Variants in CFAP57 observed in about 807,000 individuals in gnomAD.
CFAP57 encodes the protein cilia and flagella associated protein 57, also known as cilia- and flagella-associated protein 57.
Under a neutral mutation model 146.8 loss-of-function variants are expected in CFAP57, and 116 were observed. That is an observed-to-expected ratio of 0.79 (90% CI 0.68 to 0.92). The LOEUF (loss-of-function observed/expected upper bound fraction) is 0.92, where lower values mean the gene tolerates loss of function less well. Among genes scored for constraint, CFAP57 ranks in the 40% least tolerant of loss-of-function variants. The probability of loss-of-function intolerance (pLI) is 0.00; values close to 1 mark genes in which losing one functional copy is unlikely to be tolerated. For missense variants in CFAP57, 1,377 were observed against 1,527.2 expected (o/e 0.90, Z 1.64); for synonymous variants, 518 against 552.8 (o/e 0.94, Z 0.88).
rs1357419462 is a variant in CFAP57 at position 43,201,432 on chromosome 1, C to T, written c.1542+1929C>T. On this transcript the variant is annotated intron_variant, in intron 9 of 22. Coordinates refer to ENST00000372492, the MANE Select transcript of CFAP57 (RefSeq NM_001378189.1). The surrounding 1 kb of genome is among the most constrained non-coding windows in gnomAD (Gnocchi z 4.4). ...CCGTTGACTTTAGCAAATAACAGAT[C>T]ATTGGAAGGAAAAGTAAAAATGTGT... Among the ~76,000 whole-genome samples the T allele has an allele frequency of 6.6e-6, 1 of 152,150 alleles. No individual in the cohort carries two copies. The highest frequency in any genetic ancestry group is 2.1e-4 in the South Asian group (1 of 4,828).
At chr1:43,208,114 C>G (rs527801851) in intron 10 of CFAP57, among the ~76,000 whole-genome samples, 1 of 152,310 alleles carries the variant, frequency 6.6e-6, no homozygotes, top group Non-Finnish European at 1.5e-5. Flanking sequence ...CATCTCACAC[C>G]AGTTAGAATG....
rs114610783 is a variant in CFAP57, at chr1:43,224,278, A to G, written c.2865+74A>G. On this transcript the variant is annotated intron_variant, in intron 17 of 22. Transcript: ENST00000372492. ...GCGAGGAAGGCAAAGCTCAGGGGAG[A>G]GAGGGTCCCTAGCTTCTCAGGACGC... 73 of 1,431,400 alleles carry G rather than the reference A, an allele frequency of 5.1e-5. No homozygotes were observed. In the African/African-American group the frequency reaches 9.8e-4, roughly 19 times the overall value. 88.7% of individuals were successfully genotyped at this position (1,431,400 alleles called of 1,614,324 possible). A position where few individuals can be genotyped will look rare whatever the true frequency, so the allele number is the denominator to read the frequency against.
intron 21 of CFAP57, among the ~76,000 whole-genome samples, chr1:43,239,471 C>G (rs1645827032): frequency 6.6e-6 from 1 of 152,036 alleles, no homozygotes; most frequent in Non-Finnish European, 1.5e-5. Context: ...TGGGGAGAAG[C>G]CAGGGCAGGG....
Position 43,224,082 on chromosome 1 carries a change from A to G in CFAP57, c.2743A>G (p.Asn915Asp). 1.9e-6 allele frequency: 3 copies of G among 1,550,570 alleles called. No individual in the cohort carries two copies. The highest frequency in any genetic ancestry group is 2.6e-6 in the Non-Finnish European group (3 of 1,146,990). ...SLQKEIEERT[N>D]DIETLKGEQM... is the part of the protein sequence containing the mutation. Reference sequence around the variant, plus strand: ...ACAGAAGGAGATTGAAGAACGAACCAATGACATCGAGACCCTAAAAGGAGA... The same window carrying G: ...ACAGAAGGAGATTGAAGAACGAACCGATGACATCGAGACCCTAAAAGGAGA... Residue 915 changes from asparagine to aspartate, a missense_variant, in exon 17 of 23, where the codon AAT becomes GAT. Coordinates refer to ENST00000372492, the MANE Select transcript of CFAP57 (RefSeq NM_001378189.1).
At chr1:43,216,974 G>A (rs550564717) in intron 12 of CFAP57, among the ~76,000 whole-genome samples, 1 of 152,364 alleles carries the variant, frequency 6.6e-6, no homozygotes, top group East Asian at 1.9e-4. Context: ...GGAATGAAGT[G>A]TCATGAAAGA....
rs941171235 is a variant in CFAP57, at chr1:43,234,287, C to G, written c.3135C>G (p.Asp1045Glu). 1.3e-6 allele frequency: 2 copies of G among 1,546,788 alleles called. No homozygotes were observed. The highest frequency in any genetic ancestry group is 2.8e-5 in the African/African-American group (2 of 72,706). The change falls in exon 20 of 23, where the codon GAC becomes GAG. Residue 1045 changes from aspartate to glutamate, a missense_variant. Asp to Glu is a conservative substitution (Grantham distance 45). Transcript: ENST00000372492. The stretch of plus-strand genomic sequence containing the variant: ...AACGTCTCTGATTGCAGGAGCGAGA[C>G]TTGGAAGCGCTGGTCAAAAGGTTTA... ...EMRRERQKER[D>E]LEALVKRFKT...
At chr1:43,185,111 G>A (rs1389984981) in intron 4 of CFAP57, 38 bp from the exon 5 acceptor site, 4 of 1,606,462 alleles carry the variant, frequency 2.5e-6, no homozygotes, top group Non-Finnish European at 3.4e-6. Context: ...CCTCAAGATT[G>A]TCTCTATAAA....
At chr1:43,225,389 C>T (rs1472919503) in intron 17 of CFAP57, among the ~76,000 whole-genome samples, 2 of 152,228 alleles carry the variant, frequency 1.3e-5, no homozygotes, top group Non-Finnish European at 1.5e-5. Context: ...ATCAACACCG[C>T]TGCTGTAGTG....
chr1:43,245,130 G>A (rs7524660), intron 22 of CFAP57, among the ~76,000 whole-genome samples: 12,532 of 151,926 alleles, frequency 0.082, 589 homozygotes, highest in South Asian at 0.13. Flanking sequence ...GCAACATGGC[G>A]AAACCACATC....
At chr1:43,244,791 T>C (rs925433955) in intron 22 of CFAP57, among the ~76,000 whole-genome samples, 9 of 152,114 alleles carry the variant, frequency 5.9e-5, no homozygotes, top group Admixed American at 5.9e-4. Context: ...TAGTCCCAGC[T>C]ACTCGGGAGG....
In CFAP57 at chr1:43,227,010, A is replaced by G. The variant is rs578039971; in HGVS notation, c.2893A>G (p.Lys965Glu). Residue 965 changes from lysine to glutamate, a missense_variant, in exon 18 of 23, where the codon AAA becomes GAA. By Grantham distance (56) the Lys-to-Glu change is moderately conservative. Coordinates refer to ENST00000372492, the MANE Select transcript of CFAP57 (RefSeq NM_001378189.1). ...KEKRIYDLKK[K>E]NQELGKFKFV... ...GAAGCGAATTTATGATCTGAAAAAGAAAAATCAAGAACTAGGGAAATTCAA... is the reference window on the plus strand; with the variant it reads ...GAAGCGAATTTATGATCTGAAAAAGGAAAATCAAGAACTAGGGAAATTCAA... The G allele has an allele frequency of 2.0e-6, 3 of 1,523,078 alleles. No individual in the cohort carries two copies. Among genetic ancestry groups the G allele is most frequent in the Admixed American group, 4.5e-5 (2 of 44,324 alleles). The allele number at this position is 1,523,078 out of a possible 1,614,324, so 94.3% of individuals were successfully genotyped here.
At chr1:43,197,957 TTACA>T (rs1264133469) in intron 7 of CFAP57, among the ~76,000 whole-genome samples, 1 of 152,172 alleles carries the variant, frequency 6.6e-6, no homozygotes, top group East Asian at 1.9e-4. Context: ...TCTCACCTTC[TTACA>T]TAAACTCCTG....
intron 19 of CFAP57, among the ~76,000 whole-genome samples, chr1:43,232,927 C>T (rs1045340515): frequency 2.0e-5 from 3 of 152,206 alleles, no homozygotes; most frequent in African/African-American, 7.2e-5. Flanking sequence ...CTCAGAGAGG[C>T]AATTTGTCGC....
intron 12 of CFAP57, among the ~76,000 whole-genome samples, chr1:43,218,169 C>T (rs915109899): frequency 1.1e-4 from 16 of 152,190 alleles, no homozygotes; most frequent in African/African-American, 1.9e-4. Flanking sequence ...TAGGGATGCA[C>T]GGGGTGTCCC....
intron 18 of CFAP57, 103 bp from the exon 19 acceptor site, chr1:43,232,405 C>G: frequency 2.2e-6 from 2 of 893,090 alleles, no homozygotes; most frequent in Non-Finnish European, 1.7e-6. Flanking sequence ...AAGAAATGCC[C>G]GGGTGTCAGG....
chr1:43,172,378 T>A lies in CFAP57; in HGVS notation c.-95T>A. On this transcript the variant is annotated 5_prime_UTR_variant, in exon 1 of 23. Coordinates refer to ENST00000372492, the MANE Select transcript of CFAP57 (RefSeq NM_001378189.1). ...GGAACCGCTACGGCGTTTGAAAGTG[T>A]CCGGGTTGCTTAGGATCCCTACAGG... 1 of 1,551,474 alleles carries A rather than the reference T, an allele frequency of 6.4e-7. No individual in the cohort carries two copies. The highest frequency in any genetic ancestry group is 8.7e-7 in the Non-Finnish European group (1 of 1,146,946).
intron 6 of CFAP57, 39 bp downstream of exon 6, chr1:43,186,898 T>G: frequency 6.2e-7 from 1 of 1,613,038 alleles, no homozygotes; most frequent in Non-Finnish European, 8.5e-7. Context: ...GACCAGGACC[T>G]ATCTGCCTGC....
At chr1:43,203,689 C>G (rs2124458164) in intron 9 of CFAP57, among the ~76,000 whole-genome samples, 1 of 152,174 alleles carries the variant, frequency 6.6e-6, no homozygotes, top group East Asian at 1.9e-4. Context: ...TCGATCTCTT[C>G]ACCTCATGAT....
At chr1:43,184,801 T>C (rs1645577561) in intron 4 of CFAP57, 1 of 223,896 alleles carries the variant, frequency 4.5e-6, no homozygotes, top group African/African-American at 2.5e-5. Context: ...GAAAAGTCTC[T>C]ATAACCTTCT....
Sources: allele counts gnomAD v4.1 joint callset (sites outside exome capture counted in the v4.1 genomes callset), GRCh38; gene constraint gnomAD v4.1.1; non-coding constraint Gnocchi (gnomAD v3.1); transcripts MANE v1.5; gene names NCBI Gene and HGNC (gene_info 2026-07-23, HGNC 2026-07-21).